Variants in CFAP95 observed in about 807,000 individuals in gnomAD.
CFAP95 encodes the protein cilia and flagella associated protein 95, also known as cilia- and flagella-associated protein 95.
At chr9:69,887,102 AT>A in the CFAP95 span, among the ~76,000 whole-genome samples, 2 of 152,304 alleles carry the variant, frequency 1.3e-5, no homozygotes, top group East Asian at 3.9e-4. Flanking sequence ...TCAGGGAAAA[AT>A]ATTGCCGTAT....
the CFAP95 span, among the ~76,000 whole-genome samples, chr9:69,841,274 G>T: frequency 3.4e-5 from 5 of 148,620 alleles, no homozygotes; most frequent in African/African-American, 7.4e-5. Context: ...TAATAAAGAG[G>T]TGGGCCTTGG....
At chr9:69,886,704 G>C in the CFAP95 span, 34 of 631,844 alleles carry the variant, frequency 5.4e-5, no homozygotes, top group Non-Finnish European at 9.1e-5. Flanking sequence ...TGGGACAGTT[G>C]TGGGGTTTTA....
At chr9:69,831,200 T>G in the CFAP95 span, among the ~76,000 whole-genome samples, 3 of 152,166 alleles carry the variant, frequency 2.0e-5, no homozygotes, top group Non-Finnish European at 4.4e-5. Context: ...ATTAATATAA[T>G]ACCATTTATC....
At chr9:69,839,929 T>G in the CFAP95 span, among the ~76,000 whole-genome samples, 2 of 151,470 alleles carry the variant, frequency 1.3e-5, no homozygotes, top group Non-Finnish European at 2.9e-5. Flanking sequence ...TACAGAAAAT[T>G]AGCTGGGCAC....
chr9:69,824,092 A>G, the CFAP95 span, among the ~76,000 whole-genome samples: 10 of 152,352 alleles, frequency 6.6e-5, no homozygotes, highest in East Asian at 1.7e-3. Context: ...AGGGCAGAAA[A>G]GGAGAATAAT....
the CFAP95 span, among the ~76,000 whole-genome samples, chr9:69,852,900 C>T: frequency 6.6e-6 from 1 of 152,208 alleles, no homozygotes; most frequent in Admixed American, 6.5e-5. Context: ...TCTTTGCCTG[C>T]TGCCATCCAT....
At chr9:69,858,269 G>T in the CFAP95 span, 1 of 377,786 alleles carries the variant, frequency 2.6e-6, no homozygotes. Context: ...GTTCTGTCAT[G>T]GTCATTTGTG....
At chr9:69,861,076 T>G in the CFAP95 span, among the ~76,000 whole-genome samples, 1 of 152,256 alleles carries the variant, frequency 6.6e-6, no homozygotes, top group Admixed American at 6.5e-5. Context: ...AGTATCATTA[T>G]ATACTGTACA....
the CFAP95 span, among the ~76,000 whole-genome samples, chr9:69,861,749 A>G: frequency 6.7e-6 from 1 of 148,346 alleles, no homozygotes; most frequent in African/African-American, 2.5e-5. Context: ...AAAAAAAAAA[A>G]AAAACACAAC....
At chr9:69,884,277 AT>A in the CFAP95 span, 6 of 152,186 alleles carry the variant, frequency 3.9e-5, no homozygotes, top group African/African-American at 1.4e-4. Flanking sequence ...ATCATTAAAA[AT>A]TGTTTTTATT....
the CFAP95 span, among the ~76,000 whole-genome samples, chr9:69,877,945 C>T: frequency 2.6e-5 from 4 of 152,068 alleles, no homozygotes; most frequent in African/African-American, 9.7e-5. Flanking sequence ...GTAATGTTGC[C>T]TTGTTCTGTT....
chr9:69,849,206 T>C, the CFAP95 span, among the ~76,000 whole-genome samples: 1 of 152,192 alleles, frequency 6.6e-6, no homozygotes, highest in African/African-American at 2.4e-5. Context: ...GTGGGGAGTT[T>C]GGTCTATTTT....
At chr9:69,841,197 T>TATATATATATA in the CFAP95 span, among the ~76,000 whole-genome samples, 63 of 131,420 alleles carry the variant, frequency 4.8e-4, no homozygotes, top group East Asian at 9.1e-4. Flanking sequence ...TATATATATA[T>TATATATATATA]TTCTGATTTA....
the CFAP95 span, among the ~76,000 whole-genome samples, chr9:69,832,087 C>A: frequency 6.6e-6 from 1 of 152,044 alleles, no homozygotes. Flanking sequence ...CCTAATAGAT[C>A]CAGTCAAAGA....
the CFAP95 span, chr9:69,858,046 C>T: frequency 2.0e-4 from 296 of 1,469,250 alleles, no homozygotes; most frequent in Non-Finnish European, 2.2e-4. Flanking sequence ...TTTGCAGGGG[C>T]AAAGGTATGA....
At chr9:69,853,651 C>A in the CFAP95 span, among the ~76,000 whole-genome samples, 1 of 152,102 alleles carries the variant, frequency 6.6e-6, no homozygotes, top group Non-Finnish European at 1.5e-5. Context: ...CATTTCTGCA[C>A]CAAAGTGATT....
the CFAP95 span, among the ~76,000 whole-genome samples, chr9:69,889,507 A>G: frequency 6.6e-6 from 1 of 152,198 alleles, no homozygotes; most frequent in East Asian, 1.9e-4. Flanking sequence ...CAGCTATGCA[A>G]AGACAGTTTA....
the CFAP95 span, among the ~76,000 whole-genome samples, chr9:69,826,050 G>T: frequency 2.6e-5 from 4 of 152,184 alleles, no homozygotes; most frequent in Non-Finnish European, 4.4e-5. Flanking sequence ...AAAAAGGGAA[G>T]AATTATGGTG....
the CFAP95 span, among the ~76,000 whole-genome samples, chr9:69,900,141 T>C: frequency 6.6e-6 from 1 of 152,082 alleles, no homozygotes; most frequent in African/African-American, 2.4e-5. Context: ...CGTCTGTATA[T>C]AGGTGTGTGT....
Sources: allele counts gnomAD v4.1 joint callset (sites outside exome capture counted in the v4.1 genomes callset), GRCh38; gene constraint gnomAD v4.1.1; transcripts MANE v1.5; gene names NCBI Gene and HGNC (gene_info 2026-07-23, HGNC 2026-07-21).